The following LCP2 variants were observed in gnomAD, a reference collection of about 807,000 sequenced individuals.
LCP2 encodes lymphocyte cytosolic protein 2.
A neutral mutation model predicts 74.5 loss-of-function variants in LCP2; 29 were observed. That is an observed-to-expected ratio of 0.39 (90% CI 0.29 to 0.53). LCP2 has a LOEUF of 0.53. LCP2 is among the 20% of genes least tolerant of loss of function. LCP2 has a pLI of 0.72. For missense variants in LCP2, 604 were observed against 634.6 expected, an observed-to-expected ratio of 0.95 and a Z score of 0.52; for synonymous variants, 228 against 229.5, an observed-to-expected ratio of 0.99 and a Z score of 0.06.
chr5:170,287,278 T>C (rs1330833859), intron 3 of LCP2, among the ~76,000 whole-genome samples: 1 of 152,246 alleles, frequency 6.6e-6, no homozygotes, highest in Non-Finnish European at 1.5e-5. Flanking sequence ...TTTTGTCCAA[T>C]GATGATAAAA....
chr5:170,290,981 AAAG>A (rs1762282584), intron 2 of LCP2, among the ~76,000 whole-genome samples: 1 of 91,316 alleles, frequency 1.1e-5, no homozygotes, highest in Middle Eastern at 5.7e-3. Flanking sequence ...AGAAAGAAAG[AAAG>A]AAAGAAAGAA....
Position 170,248,739 on chromosome 5 carries a change from G to A in LCP2, c.1560C>T (p.Ser520=), listed in dbSNP as rs1009619052. 1 of 1,610,308 alleles carries A rather than the reference G, an allele frequency of 6.2e-7. No individual in the cohort carries two copies. The highest frequency in any genetic ancestry group is 8.5e-7 in the Non-Finnish European group (1 of 1,178,806). The change falls in exon 21 of 21, where the codon TCC becomes TCT. Residue 520 remains serine, a synonymous_variant. Coordinates refer to ENST00000046794, the MANE Select transcript of LCP2 (RefSeq NM_005565.5). ...CATGCGTTAATGTGCACTGGTATCT[G>A]GAACCTCGGTTTTTCCCATCAATGA... ...LLLIDGKNRG[S]RYQCTLTHAA... is the part of the protein sequence containing the mutation.
chr5:170,253,568 A>G (rs1344740294), intron 17 of LCP2, among the ~76,000 whole-genome samples: 1 of 152,170 alleles, frequency 6.6e-6, no homozygotes, highest in Non-Finnish European at 1.5e-5. Context: ...CAAGAGACAA[A>G]TTTTTCATAG....
chr5:170,265,232 C>T (rs1037534022), intron 10 of LCP2, among the ~76,000 whole-genome samples: 21 of 152,064 alleles, frequency 1.4e-4, no homozygotes, highest in African/African-American at 4.8e-4. Flanking sequence ...TGTGATCTGC[C>T]CGCCTCAGCC....
intron 1 of LCP2, among the ~76,000 whole-genome samples, chr5:170,295,788 T>A (rs1762368665): frequency 6.6e-6 from 1 of 152,208 alleles, no homozygotes; most frequent in Non-Finnish European, 1.5e-5. Flanking sequence ...GATCACAGAT[T>A]TGCCTCAGTC....
intron 6 of LCP2, among the ~76,000 whole-genome samples, chr5:170,273,278 A>C (rs1046773232): frequency 6.6e-6 from 1 of 152,222 alleles, no homozygotes; most frequent in African/African-American, 2.4e-5. Flanking sequence ...GCTGCATGGC[A>C]AGGATTCTGC....
intron 6 of LCP2, 73 bp downstream of exon 6, chr5:170,274,228 A>G: frequency 1.3e-6 from 2 of 1,518,658 alleles, no homozygotes; most frequent in Non-Finnish European, 1.8e-6. Context: ...ACTTGGCTCC[A>G]TCCTGGCTCC....
chr5:170,285,506 T>C (rs1762169315), intron 3 of LCP2, among the ~76,000 whole-genome samples: 1 of 152,258 alleles, frequency 6.6e-6, no homozygotes, highest in South Asian at 2.1e-4. Context: ...TGTTCTGAGA[T>C]GCAGTTAAGT....
chr5:170,290,061 G>T (rs991293825), intron 2 of LCP2, among the ~76,000 whole-genome samples: 2 of 152,162 alleles, frequency 1.3e-5, no homozygotes, highest in African/African-American at 4.8e-5. Flanking sequence ...CAAGAACTGT[G>T]AGGAAAGATG....
intron 1 of LCP2, among the ~76,000 whole-genome samples, chr5:170,295,689 C>T (rs1233429602): frequency 6.6e-6 from 1 of 152,140 alleles, no homozygotes; most frequent in African/African-American, 2.4e-5. Context: ...CTCTGCGGTC[C>T]ATTCGTTTGG....
At position 170,297,716 on chromosome 5, in the gene LCP2, C is replaced by G; in HGVS notation, c.-105G>C. 1 of 890,686 alleles carries G rather than the reference C, an allele frequency of 1.1e-6. No individual in the cohort carries two copies. Among genetic ancestry groups the G allele is most frequent in the Non-Finnish European group, 1.7e-6 (1 of 582,916 alleles). 55.2% of individuals were successfully genotyped at this position (890,686 alleles called of 1,614,324 possible). A position where few individuals can be genotyped will look rare whatever the true frequency, so the allele number is the denominator to read the frequency against. On this transcript the variant is annotated 5_prime_UTR_variant, in exon 1 of 21. Coordinates refer to ENST00000046794, the MANE Select transcript of LCP2 (RefSeq NM_005565.5). ...GGAGGCGTTCTTGGCTCTTCCAACT[C>G]CCAGCTACCCTGTGGAACACCCCTG...
intron 16 of LCP2, among the ~76,000 whole-genome samples, chr5:170,257,776 C>G (rs1761581824): frequency 6.6e-6 from 1 of 151,904 alleles, no homozygotes. Context: ...TGTTTTCTAC[C>G]AAAAGGCCCA....
At chr5:170,263,033 T>C (rs1261260388) in intron 10 of LCP2, 41 bp from the exon 11 acceptor site, 4 of 1,607,012 alleles carry the variant, frequency 2.5e-6, no homozygotes, top group African/African-American at 1.3e-5. Context: ...AGTTCAGAAC[T>C]TCATAAGCAT....
chr5:170,293,591 G>C (rs1223590755), intron 1 of LCP2, among the ~76,000 whole-genome samples: 1 of 152,208 alleles, frequency 6.6e-6, no homozygotes, highest in Non-Finnish European at 1.5e-5. Context: ...CTTGCTCTAA[G>C]GCTTCGGGGC....
rs1762413354 is a variant in LCP2 at position 170,297,573 on chromosome 5, C to T, written c.39G>A (p.Leu13=). The stretch of plus-strand genomic sequence containing the variant: ...CAGCAAGGCTGTCGGGGTCCCAGCC[C>T]AGGACCTCTGAGCGAAAGGGCACAT... ...LRNVPFRSEV[L]GWDPDSLADY... The change falls in exon 1 of 21, where the codon CTG becomes CTA. Residue 13 remains leucine, a synonymous_variant. Transcript: ENST00000046794. The T allele has an allele frequency of 6.2e-7, 1 of 1,613,114 alleles. No homozygotes were observed. Among genetic ancestry groups the T allele is most frequent in the Non-Finnish European group, 8.5e-7 (1 of 1,179,536 alleles).
At chr5:170,252,644 ATT>A in intron 18 of LCP2, 133 bp from the exon 19 acceptor site, 1 of 587,970 alleles carries the variant, frequency 1.7e-6, no homozygotes, top group Admixed American at 2.9e-5. Context: ...TGTTTTCTTA[ATT>A]TGCATTCAGA....
At chr5:170,291,920 C>A (rs1313334946) in intron 2 of LCP2, among the ~76,000 whole-genome samples, 2 of 152,228 alleles carry the variant, frequency 1.3e-5, no homozygotes, top group African/African-American at 4.8e-5. Flanking sequence ...TGACTCAAAT[C>A]TCAATACAAA....
chr5:170,293,397 G>C (rs748340074), intron 1 of LCP2, 25 bp from the exon 2 acceptor site: 63 of 1,569,252 alleles, frequency 4.0e-5, no homozygotes, highest in Non-Finnish European at 5.1e-5. Context: ...GGAAGGTGTT[G>C]TTAGTGACGG....
Position 170,253,130 on chromosome 5 carries a change from C to T in LCP2, c.1234G>A (p.Ala412Thr), listed in dbSNP as rs770608317. ...LPNKPRPPSP[A>T]EEENSLNEEW... is the part of the protein sequence containing the mutation. The stretch of plus-strand genomic sequence containing the variant: ...ACATGCTCTCTTACCTCTTCCTCCG[C>T]GGGGGATGGGGGCCGAGGTTTGTTT... The change falls in exon 18 of 21, where the codon GCG becomes ACG. Residue 412 changes from alanine to threonine, a missense_variant. By Grantham distance (58) the Ala-to-Thr change is moderately conservative. Coordinates refer to ENST00000046794, the MANE Select transcript of LCP2 (RefSeq NM_005565.5). 3.0e-5 allele frequency: 48 copies of T among 1,608,564 alleles called. No homozygotes were observed. The highest frequency in any genetic ancestry group is 8.9e-5 in the East Asian group (4 of 44,794).
Sources: gnomAD v4.1 joint callset for allele counts (sites outside exome capture counted in the v4.1 genomes callset) on GRCh38, gnomAD v4.1.1 for gene constraint, MANE v1.5 for transcripts, NCBI Gene and HGNC (gene_info 2026-07-23, HGNC 2026-07-21) for gene names.